ATP11A: variants seen among roughly 807,000 people sequenced by gnomAD.
ATP11A encodes phospholipid-transporting ATPase IH.
ATP11A carries 81 observed loss-of-function variants against 154.4 expected under a neutral mutation model. That is an observed-to-expected ratio of 0.52 (90% CI 0.44 to 0.63). ATP11A has a LOEUF of 0.63. ATP11A is among the 30% of genes least tolerant of loss of function. The pLI is 0.00. For synonymous variants in ATP11A, 623 were observed against 585.9 expected (o/e 1.06, Z -0.91); for missense variants, 1,316 against 1,474.3 (o/e 0.89, Z 1.76).
chr13:112,832,261 C>G (rs1369001803), intron 13 of ATP11A, among the ~76,000 whole-genome samples: 1 of 152,218 alleles, frequency 6.6e-6, no homozygotes, highest in Non-Finnish European at 1.5e-5. Flanking sequence ...AGGGCAGCCT[C>G]GGGGATCAGG....
chr13:112,842,758 A>G (rs2079459653), intron 17 of ATP11A, among the ~76,000 whole-genome samples: 1 of 152,272 alleles, frequency 6.6e-6, no homozygotes, highest in Non-Finnish European at 1.5e-5. Flanking sequence ...GCTTCAAAAC[A>G]AATCAGCACT....
rs1238367792 is a variant in ATP11A at position 112,881,502 on chromosome 13, T to C, written c.*10-374T>C. The C allele has an allele frequency of 2.7e-6, 3 of 1,102,054 alleles. No individual in the cohort carries two copies. In the African/African-American group the frequency reaches 5.0e-5, roughly 18 times the overall value. The allele number at this position is 1,102,054 out of a possible 1,614,324, so 68.3% of individuals were successfully genotyped here. The stretch of plus-strand genomic sequence containing the variant: ...CAGCTACAGGGAGGAAGCTCGTAGG[T>C]TTCCCGTCCATGGCCTGTATCCCTG... On this transcript the variant is annotated intron_variant, in intron 29 of 29. Coordinates refer to ENST00000375645, the MANE Select transcript of ATP11A (RefSeq NM_015205.3).
chr13:112,786,774 A>G (rs1594687610), intron 2 of ATP11A, among the ~76,000 whole-genome samples: 2 of 152,272 alleles, frequency 1.3e-5, no homozygotes, highest in African/African-American at 4.8e-5. Flanking sequence ...GTGGCGGCCC[A>G]CCATTCACAC....
chr13:112,846,256 T>C (rs2079604398), intron 17 of ATP11A, among the ~76,000 whole-genome samples: 6 of 152,218 alleles, frequency 3.9e-5, no homozygotes. Context: ...CCTTGCTCCC[T>C]TTCAGCAGTT....
chr13:112,763,611 C>T (rs948745322), intron 1 of ATP11A, among the ~76,000 whole-genome samples: 41 of 152,188 alleles, frequency 2.7e-4, no homozygotes, highest in African/African-American at 9.9e-4. Context: ...TGCTAAGAGA[C>T]ACTCACCATC....
At chr13:112,769,735 C>A (rs1458243469) in intron 1 of ATP11A, among the ~76,000 whole-genome samples, 1 of 152,214 alleles carries the variant, frequency 6.6e-6, no homozygotes, top group Non-Finnish European at 1.5e-5. Flanking sequence ...GGTGGGCGAG[C>A]CTGCCCAGTG....
At chr13:112,691,374 G>GA (rs1245273113) in intron 1 of ATP11A, among the ~76,000 whole-genome samples, 1 of 150,382 alleles carries the variant, frequency 6.6e-6, no homozygotes, top group Non-Finnish European at 1.5e-5. Context: ...TGAGGCAGGA[G>GA]AATCGCTTGA....
chr13:112,867,417 G>A (rs749281507), intron 25 of ATP11A, among the ~76,000 whole-genome samples: 3 of 152,304 alleles, frequency 2.0e-5, no homozygotes, highest in Middle Eastern at 3.4e-3. Flanking sequence ...AAGAGCCCCC[G>A]GAGATGGACT....
At chr13:112,794,123 T>G (rs1388244423) in intron 2 of ATP11A, among the ~76,000 whole-genome samples, 1 of 152,212 alleles carries the variant, frequency 6.6e-6, no homozygotes, top group Non-Finnish European at 1.5e-5. Flanking sequence ...ACCACTCGGT[T>G]TTCCCAGATT....
chr13:112,872,977 AGCG>A lies in ATP11A; in HGVS notation c.3058-594_3058-592del, dbSNP rs1386094685. Among the ~76,000 whole-genome samples the A allele has an allele frequency of 6.2e-5, 9 of 144,804 alleles. 1 individual carries two copies. Among genetic ancestry groups the A allele is most frequent in the African/African-American group, 2.5e-4 (9 of 36,302 alleles). The allele number at this position is 144,804 out of a possible 152,430, so 95.0% of individuals were successfully genotyped here. Reference sequence around the variant, plus strand: ...TGTGAGGTGTGGCTTTGTCTTCCTGAGCGGTGTGAGGTGTGGCTTTGTCTTCCT... The same window carrying A: ...TGTGAGGTGTGGCTTTGTCTTCCTGAGTGTGAGGTGTGGCTTTGTCTTCCT... On this transcript the variant is annotated intron_variant, in intron 26 of 29. Coordinates refer to ENST00000375645, the MANE Select transcript of ATP11A (RefSeq NM_015205.3).
intron 15 of ATP11A, among the ~76,000 whole-genome samples, chr13:112,835,479 C>T: frequency 6.6e-6 from 1 of 152,266 alleles, no homozygotes; most frequent in East Asian, 1.9e-4. Context: ...GCACCCTGGG[C>T]TTCCCGGGGG....
At chr13:112,813,180 G>A (rs900388007) in intron 5 of ATP11A, among the ~76,000 whole-genome samples, 5 of 152,148 alleles carry the variant, frequency 3.3e-5, no homozygotes, top group Admixed American at 6.5e-5. Context: ...GTGCTAGAGC[G>A]TCCTAGAAAA....
intron 15 of ATP11A, among the ~76,000 whole-genome samples, chr13:112,835,547 G>A (rs1441579940): frequency 6.6e-6 from 1 of 152,168 alleles, no homozygotes; most frequent in African/African-American, 2.4e-5. Flanking sequence ...GTGAGGTCGT[G>A]GCCTAGATGA....
chr13:112,747,443 G>T (rs72660021), intron 1 of ATP11A: 6,782 of 152,338 alleles, frequency 0.045, 177 homozygotes, highest in South Asian at 0.069. Context: ...CCAAGAAACT[G>T]CAAAGGCAAA....
chr13:112,835,767 T>G (rs1184373439), intron 15 of ATP11A, among the ~76,000 whole-genome samples: 13 of 152,250 alleles, frequency 8.5e-5, no homozygotes. Context: ...AAAACGCTTT[T>G]TCCTTTGGTT....
At chr13:112,774,794 T>C (rs539309797) in intron 1 of ATP11A, among the ~76,000 whole-genome samples, 17 of 152,340 alleles carry the variant, frequency 1.1e-4, no homozygotes, top group Middle Eastern at 3.4e-3. Context: ...GAATGAACGC[T>C]CTTTCCTATG....
Position 112,831,401 on chromosome 13 carries a change from C to G in ATP11A, c.1248C>G (p.Thr416=), listed in dbSNP as rs770216011. The part of the protein sequence containing the change: ...GQVEYIFTDK[T]GTLTENNMEF... ...TGGAGTACATCTTCACAGACAAGAC[C>G]GGCACCCTCACGGAAAACAACATGG... The change falls in exon 13 of 30, where the codon ACC becomes ACG. Residue 416 remains threonine, a synonymous_variant. Transcript: ENST00000375645. 3 of 1,614,078 alleles carry G rather than the reference C, an allele frequency of 1.9e-6. No homozygotes were observed. The highest frequency in any genetic ancestry group is 2.5e-6 in the Non-Finnish European group (3 of 1,179,982).
At chr13:112,873,400 T>G in intron 26 of ATP11A, 173 bp from the exon 27 acceptor site, 1 of 555,920 alleles carries the variant, frequency 1.8e-6, no homozygotes, top group Non-Finnish European at 3.2e-6. Context: ...TCCTGAGCGG[T>G]GTGAGGTGTG....
chr13:112,690,589 C>A lies in ATP11A; in HGVS notation c.39+134C>A. 1 of 808,504 alleles carries A rather than the reference C, an allele frequency of 1.2e-6. No individual in the cohort carries two copies. Among genetic ancestry groups the A allele is most frequent in the Non-Finnish European group, 1.6e-6 (1 of 606,904 alleles). The allele number at this position is 808,504 out of a possible 1,614,324, so 50.1% of individuals were successfully genotyped here. On this transcript the variant is annotated intron_variant, in intron 1 of 29. Transcript: ENST00000375645. The surrounding 1 kb of genome is among the most constrained non-coding windows in gnomAD (Gnocchi z 5.6). ...CGATGTCTGGGACTCGGACCGCCCCCGGGGACGAGCGGGATGCTGGGGAGG... is the reference window on the plus strand; with the variant it reads ...CGATGTCTGGGACTCGGACCGCCCCAGGGGACGAGCGGGATGCTGGGGAGG...
Sources: allele counts gnomAD v4.1 joint callset (sites outside exome capture counted in the v4.1 genomes callset), GRCh38; gene constraint gnomAD v4.1.1; non-coding constraint Gnocchi (gnomAD v3.1); transcripts MANE v1.5; gene names NCBI Gene and HGNC (gene_info 2026-07-23, HGNC 2026-07-21).